Variants in KCNN1 observed in about 807,000 individuals in gnomAD.
KCNN1 encodes small conductance calcium-activated potassium channel protein 1.
KCNN1 carries 20 observed loss-of-function variants against 44.7 expected under a neutral mutation model. That is an observed-to-expected ratio of 0.45 (90% CI 0.32 to 0.65). The LOEUF is 0.65. KCNN1 is among the 30% of genes least tolerant of loss of function. The pLI is 0.05. For synonymous variants in KCNN1, 324 were observed against 341.7 expected (o/e 0.95, Z 0.57); for missense variants, 632 against 785.3 (o/e 0.80, Z 2.33).
At chr19:17,966,019 G>GCCTT (rs1267649298), upstream of KCNN1, among the ~76,000 whole-genome samples, 63 of 132,114 alleles carry the variant, frequency 4.8e-4, no homozygotes, top group Middle Eastern at 3.7e-3. Flanking sequence ...CTGCCTGCCT[G>GCCTT]CCTGCCTTCC....
chr19:17,955,740 A>AGTGGGGT (rs1398688053), intron 2 of KCNN1, among the ~76,000 whole-genome samples: 17 of 151,862 alleles, frequency 1.1e-4, no homozygotes, highest in African/African-American at 4.1e-4. Context: ...ATGACCTAGA[A>AGTGGGGT]GTGGGGTGTT....
chr19:17,987,210 A>T (rs2032629906), intron 5 of KCNN1, among the ~76,000 whole-genome samples: 1 of 151,818 alleles, frequency 6.6e-6, no homozygotes. Flanking sequence ...CCCAGGTTCA[A>T]GCGATTCTCC....
At chr19:17,980,229 T>A (rs927046617) in intron 3 of KCNN1, among the ~76,000 whole-genome samples, 1 of 44,818 alleles carries the variant, frequency 2.2e-5, no homozygotes, top group Non-Finnish European at 4.2e-5. Context: ...ACCTAGCTAA[T>A]TTTTTTTTTT....
At chr19:17,980,976 GGAGGCC>G (rs1599364425) in intron 3 of KCNN1, among the ~76,000 whole-genome samples, 1 of 152,150 alleles carries the variant, frequency 6.6e-6, no homozygotes. Flanking sequence ...CAGCACTTTG[GGAGGCC>G]GAGGCATGTG....
intron 1 of KCNN1, among the ~76,000 whole-genome samples, chr19:17,969,659 C>T (rs1361180615): frequency 2.6e-5 from 4 of 152,202 alleles, no homozygotes; most frequent in Non-Finnish European, 4.4e-5. Flanking sequence ...TGAGTCACAT[C>T]CCCAAATTGC....
chr19:17,964,964 A>G (rs886881338), upstream of KCNN1, among the ~76,000 whole-genome samples: 4 of 152,232 alleles, frequency 2.6e-5, no homozygotes, highest in African/African-American at 9.6e-5. The surrounding 1 kb of genome is among the most constrained non-coding windows in gnomAD (Gnocchi z 4.3). Flanking sequence ...CGGGACAGTT[A>G]CATGTTAGAC....
intron 1 of KCNN1, among the ~76,000 whole-genome samples, chr19:17,970,639 T>C (rs539540794): frequency 6.6e-6 from 1 of 151,874 alleles, no homozygotes; most frequent in South Asian, 2.1e-4. Flanking sequence ...TTGGCCAAGC[T>C]GGTCTTGAAC....
At chr19:17,986,438 T>G (rs2032599035) in intron 5 of KCNN1, among the ~76,000 whole-genome samples, 1 of 151,984 alleles carries the variant, frequency 6.6e-6, no homozygotes, top group African/African-American at 2.4e-5. Flanking sequence ...TAGCTGACTT[T>G]CGGGGTGTTC....
chr19:17,954,747 T>A (rs2031500081), intron 2 of KCNN1: 1 of 151,600 alleles, frequency 6.6e-6, no homozygotes, highest in South Asian at 2.1e-4. Context: ...GATAGAAAAA[T>A]TGGTAACTGG....
chr19:17,986,039 G>C (rs2032582681), intron 5 of KCNN1, among the ~76,000 whole-genome samples: 1 of 152,006 alleles, frequency 6.6e-6, no homozygotes, highest in Admixed American at 6.6e-5. Context: ...AGATCAGCCT[G>C]TGACCAACAT....
chr19:17,971,642 T>G (rs2032027188), intron 1 of KCNN1, among the ~76,000 whole-genome samples: 1 of 151,692 alleles, frequency 6.6e-6, no homozygotes, highest in Non-Finnish European at 1.5e-5. Context: ...TTTTGTCTTT[T>G]TAGTAGAGAC....
intron 1 of KCNN1, among the ~76,000 whole-genome samples, chr19:17,969,916 C>T (rs920602229): frequency 3.9e-5 from 6 of 152,200 alleles, no homozygotes; most frequent in African/African-American, 1.4e-4. Context: ...TGGTAGCCAG[C>T]GGATGTTCAG....
intron 3 of KCNN1, among the ~76,000 whole-genome samples, chr19:17,978,483 A>G (rs372579126): frequency 6.1e-5 from 9 of 148,076 alleles, no homozygotes; most frequent in African/African-American, 2.3e-4. Context: ...GCTGGAGTAC[A>G]GTGGTGCAGT....
chr19:17,961,208 C>G (rs1329528283), intron 2 of KCNN1, among the ~76,000 whole-genome samples: 2 of 144,448 alleles, frequency 1.4e-5, no homozygotes, highest in Non-Finnish European at 3.0e-5. Context: ...AAAAAAAAAC[C>G]CAGAAACCAG....
At chr19:17,961,271 A>G (rs1206568390) in intron 2 of KCNN1, among the ~76,000 whole-genome samples, 1 of 151,554 alleles carries the variant, frequency 6.6e-6, no homozygotes, top group East Asian at 1.9e-4. Context: ...TCATTTAACT[A>G]CATCTGCAAA....
At chr19:17,971,268 A>G (rs1206345016) in intron 1 of KCNN1, among the ~76,000 whole-genome samples, 2 of 152,112 alleles carry the variant, frequency 1.3e-5, no homozygotes, top group Non-Finnish European at 2.9e-5. Flanking sequence ...CTGCCTGTGC[A>G]CACAGCTGCC....
intron 9 of KCNN1, among the ~76,000 whole-genome samples, chr19:17,996,969 C>A (rs1445396531): frequency 1.3e-5 from 2 of 152,156 alleles, no homozygotes; most frequent in African/African-American, 4.8e-5. Flanking sequence ...GGTGGCAAAC[C>A]GGTGTCCTGA....
In KCNN1 at chr19:17,993,711, C is replaced by T. The variant is rs2032882781; in HGVS notation, c.1377+152C>T. On this transcript the variant is annotated intron_variant, in intron 9 of 9. Transcript: ENST00000684775. The surrounding 1 kb of genome is among the most constrained non-coding windows in gnomAD (Gnocchi z 4.5). Reference sequence around the variant, plus strand: ...ATCGCTTGAGCTCAGGAGTTTGAGACCAGCCTGGGCAACATGGTGAAATCC... The same window carrying T: ...ATCGCTTGAGCTCAGGAGTTTGAGATCAGCCTGGGCAACATGGTGAAATCC... Among the ~76,000 whole-genome samples, 1 of 152,024 alleles carries T rather than the reference C, an allele frequency of 6.6e-6. No individual in the cohort carries two copies. The highest frequency in any genetic ancestry group is 2.1e-4 in the South Asian group (1 of 4,828).
chr19:17,985,219 C>A (rs1599369209), intron 4 of KCNN1, 93 bp from the exon 5 acceptor site: 1 of 1,296,032 alleles, frequency 7.7e-7, no homozygotes, highest in Non-Finnish European at 1.0e-6. Context: ...GGACTCAGGG[C>A]CCTCCAGCCC....
Sources: allele counts gnomAD v4.1 joint callset (sites outside exome capture counted in the v4.1 genomes callset), GRCh38; gene constraint gnomAD v4.1.1; non-coding constraint Gnocchi (gnomAD v3.1); transcripts MANE v1.5; gene names NCBI Gene and HGNC (gene_info 2026-07-23, HGNC 2026-07-21).